CDKN2B-AS1: variants seen among roughly 807,000 people sequenced by gnomAD.
CDKN2B-AS1 encodes the protein CDKN2B and CDKN2A antisense cis and trans regulatory RNA 1.
At chr9:22,068,020 A>T (rs1414915543) in intron 4 of CDKN2B-AS1, among the ~76,000 whole-genome samples, 1 of 152,142 alleles carries the variant, frequency 6.6e-6, no homozygotes, top group Non-Finnish European at 1.5e-5. Flanking sequence ...ACAAACCATG[A>T]CTTTTGGGTC....
intron 4 of CDKN2B-AS1, among the ~76,000 whole-genome samples, chr9:22,068,836 G>T (rs1001490357): frequency 3.3e-5 from 5 of 152,158 alleles, no homozygotes; most frequent in Non-Finnish European, 4.4e-5. Flanking sequence ...GTAAACTGAT[G>T]GTCAACCTGT....
chr9:22,015,410 A>T (rs1821702224), intron 1 of CDKN2B-AS1, among the ~76,000 whole-genome samples: 1 of 152,044 alleles, frequency 6.6e-6, no homozygotes, highest in African/African-American at 2.4e-5. Flanking sequence ...AGGTAATGTA[A>T]CCCCTCCAAA....
intron 1 of CDKN2B-AS1, among the ~76,000 whole-genome samples, chr9:22,045,834 T>C (rs1269168708): frequency 6.6e-6 from 1 of 152,168 alleles, no homozygotes; most frequent in Non-Finnish European, 1.5e-5. Context: ...TTCAAGATTG[T>C]GGTCCAAGCT....
chr9:22,072,085 G>A (rs1420754105), intron 4 of CDKN2B-AS1, among the ~76,000 whole-genome samples: 1 of 152,162 alleles, frequency 6.6e-6, no homozygotes, highest in African/African-American at 2.4e-5. Flanking sequence ...GCCTACAAAA[G>A]CACATTCATG....
intron 4 of CDKN2B-AS1, among the ~76,000 whole-genome samples, chr9:22,110,485 A>G (rs537479722): frequency 1.3e-5 from 2 of 152,176 alleles, no homozygotes; most frequent in South Asian, 4.1e-4. Flanking sequence ...TCTTTTTGCA[A>G]GTGTTACAAA....
chr9:22,116,031 C>CA (rs1825940588), intron 4 of CDKN2B-AS1, among the ~76,000 whole-genome samples: 1 of 152,088 alleles, frequency 6.6e-6, no homozygotes, highest in African/African-American at 2.4e-5. Context: ...AAGAGCTGCC[C>CA]AATAAATTAG....
At chr9:22,055,635 T>C (rs988917781) in intron 3 of CDKN2B-AS1, among the ~76,000 whole-genome samples, 1 of 152,210 alleles carries the variant, frequency 6.6e-6, no homozygotes. Context: ...TTTTTCACTA[T>C]TTTTTATAGA....
chr9:22,086,639 G>C (rs1824876418), intron 4 of CDKN2B-AS1, among the ~76,000 whole-genome samples: 1 of 152,074 alleles, frequency 6.6e-6, no homozygotes, highest in Non-Finnish European at 1.5e-5. Flanking sequence ...TTATTGCCCT[G>C]GTTTGCCCTA....
intron 4 of CDKN2B-AS1, chr9:22,065,749 A>ATAG (rs1824010289): frequency 6.6e-6 from 1 of 152,212 alleles, no homozygotes; most frequent in Non-Finnish European, 1.5e-5. Context: ...GTGCAGTACA[A>ATAG]CACTCCAGGT....
intron 3 of CDKN2B-AS1, among the ~76,000 whole-genome samples, chr9:22,051,550 G>A (rs560006312): frequency 6.6e-6 from 1 of 152,146 alleles, no homozygotes; most frequent in Non-Finnish European, 1.5e-5. Context: ...TCCAAAGGCA[G>A]TTATATACAA....
chr9:22,014,627 A>G (rs1004849713), intron 1 of CDKN2B-AS1, among the ~76,000 whole-genome samples: 11 of 152,018 alleles, frequency 7.2e-5, no homozygotes, highest in Non-Finnish European at 1.5e-4. Flanking sequence ...TTATTATTAT[A>G]CTTTAAGTTT....
intron 4 of CDKN2B-AS1, among the ~76,000 whole-genome samples, chr9:22,078,923 A>G (rs945743620): frequency 3.9e-5 from 6 of 152,202 alleles, no homozygotes; most frequent in East Asian, 1.9e-4. Flanking sequence ...AATGAGGAGC[A>G]TTACTAAACG....
chr9:22,117,797 A>C (rs973681655), intron 4 of CDKN2B-AS1: 7 of 152,284 alleles, frequency 4.6e-5, no homozygotes, highest in Admixed American at 2.0e-4. Flanking sequence ...GAAGAGGTTC[A>C]AGGATCAAGG....
chr9:22,009,564 A>G (rs1821396614), intron 1 of CDKN2B-AS1, among the ~76,000 whole-genome samples: 2 of 152,370 alleles, frequency 1.3e-5, no homozygotes, highest in South Asian at 4.1e-4. Context: ...GGGAATGTTC[A>G]CCACTGCCCT....
At chr9:22,068,078 G>A (rs1290273710) in intron 4 of CDKN2B-AS1, among the ~76,000 whole-genome samples, 1 of 152,088 alleles carries the variant, frequency 6.6e-6, no homozygotes, top group Non-Finnish European at 1.5e-5. Flanking sequence ...CATAAGAGGG[G>A]CTTACTCTAC....
intron 1 of CDKN2B-AS1, chr9:22,030,881 A>G (rs936394519): frequency 6.6e-6 from 1 of 152,176 alleles, no homozygotes; most frequent in African/African-American, 2.4e-5. Context: ...TATTGATAAC[A>G]GGGGATGGAT....
At chr9:22,007,138 T>C (rs1335998622) in intron 1 of CDKN2B-AS1, among the ~76,000 whole-genome samples, 4 of 152,166 alleles carry the variant, frequency 2.6e-5, no homozygotes, top group Non-Finnish European at 5.9e-5. Flanking sequence ...AGCAGGCAGA[T>C]CACCTGAGGT....
intron 4 of CDKN2B-AS1, chr9:22,119,163 A>G (rs927211017): frequency 1.3e-5 from 2 of 151,770 alleles, no homozygotes; most frequent in African/African-American, 4.8e-5. Flanking sequence ...GATTATTGTG[A>G]GGCCCAAGTG....
chr9:21,995,117 C>T (rs1028894184), upstream of CDKN2B-AS1: 8 of 152,188 alleles, frequency 5.3e-5, no homozygotes, highest in Admixed American at 4.6e-4. The surrounding 1 kb of genome is among the most constrained non-coding windows in gnomAD (Gnocchi z 5.7). Flanking sequence ...CACGGCGCGG[C>T]GCTGGCGCTG....
Sources: gnomAD v4.1 joint callset for allele counts (sites outside exome capture counted in the v4.1 genomes callset) on GRCh38, gnomAD v4.1.1 for gene constraint, Gnocchi (gnomAD v3.1) non-coding constraint, MANE v1.5 for transcripts, NCBI Gene and HGNC (gene_info 2026-07-23, HGNC 2026-07-21) for gene names.